The following ANO6 variants were observed in gnomAD, a reference collection of about 807,000 sequenced individuals.
The protein encoded by ANO6 is anoctamin-6.
ANO6 carries 106 observed loss-of-function variants against 117.5 expected under a neutral mutation model. The observed-to-expected ratio is 0.90, with a 90% CI of 0.77 to 1.06. ANO6 has a LOEUF of 1.06. ANO6 is among the 50% of genes least tolerant of loss of function. The pLI, the probability that ANO6 is intolerant of heterozygous loss-of-function variation, is 0.00. For missense variants in ANO6, 955 were observed against 1,121.1 expected, an observed-to-expected ratio of 0.85 and a Z score of 2.12; for synonymous variants, 367 against 385.1, an observed-to-expected ratio of 0.95 and a Z score of 0.55.
chr12:45,347,542 T>C lies in ANO6; in HGVS notation c.345+455T>C, dbSNP rs185631920. The C allele has an allele frequency of 5.5e-5, 10 of 181,072 alleles. No homozygotes were observed. In the East Asian group the frequency reaches 1.2e-3, roughly 22 times the overall value. 11.2% of individuals were successfully genotyped at this position (181,072 alleles called of 1,614,324 possible). On this transcript the variant is annotated intron_variant, in intron 4 of 19. Transcript: ENST00000320560. The stretch of plus-strand genomic sequence containing the variant: ...AAATTACCACTTCACAGTTTTATAA[T>C]TTGCTTTTTCCCTTTAATATATAGC...
rs777856080 is a variant in ANO6, at chr12:45,409,476, A to C, written c.2000A>C (p.Tyr667Ser). Residue 667 changes from tyrosine to serine, a missense_variant, in exon 16 of 20, where the codon TAT becomes TCT. Physicochemically the swap from Tyr to Ser is moderately radical, Grantham distance 144. Transcript: ENST00000320560. ...GGCAAACTGGGATTATTTTATGAAT[A>C]TCTTGAAATGAGTAAGTTGTTAGTG... ...PMGKLGLFYE[Y>S]LEMIIQFGFV... 2 of 1,613,774 alleles carry C rather than the reference A, an allele frequency of 1.2e-6. No individual in the cohort carries two copies. Among genetic ancestry groups the C allele is most frequent in the Non-Finnish European group, 1.7e-6 (2 of 1,179,840 alleles).
chr12:45,305,377 C>T (rs1254712051), intron 2 of ANO6, among the ~76,000 whole-genome samples: 1 of 152,176 alleles, frequency 6.6e-6, no homozygotes, highest in Non-Finnish European at 1.5e-5. Flanking sequence ...AACATTTTAT[C>T]TTGAACGTTT....
chr12:45,364,070 T>C (rs951120305), intron 8 of ANO6, among the ~76,000 whole-genome samples: 3 of 152,248 alleles, frequency 2.0e-5, no homozygotes, highest in Non-Finnish European at 4.4e-5. Context: ...TTGCTGGATA[T>C]AGAATACTTG....
chr12:45,219,666 T>G (rs892469663), intron 1 of ANO6, among the ~76,000 whole-genome samples: 7 of 152,156 alleles, frequency 4.6e-5, no homozygotes, highest in African/African-American at 9.7e-5. Flanking sequence ...ATGTCAGTGT[T>G]GCCTCCTAGT....
At chr12:45,422,576 CTTTT>C (rs35726842) in intron 18 of ANO6, among the ~76,000 whole-genome samples, 2 of 140,476 alleles carry the variant, frequency 1.4e-5, no homozygotes, top group Non-Finnish European at 1.6e-5. Context: ...TCAAATATGA[CTTTT>C]TTTTTTTTTT....
intron 1 of ANO6, among the ~76,000 whole-genome samples, chr12:45,272,388 T>C (rs1355683982): frequency 6.6e-6 from 1 of 152,204 alleles, no homozygotes; most frequent in African/African-American, 2.4e-5. Flanking sequence ...TGTCCTGTCA[T>C]CAAACTTTTA....
At chr12:45,351,076 A>T (rs1460047811) in intron 7 of ANO6, among the ~76,000 whole-genome samples, 1 of 152,196 alleles carries the variant, frequency 6.6e-6, no homozygotes, top group Non-Finnish European at 1.5e-5. Flanking sequence ...GAGTCATCTC[A>T]TTAGCACAAA....
chr12:45,414,077 A>G (rs1943154282), intron 16 of ANO6, among the ~76,000 whole-genome samples: 1 of 152,094 alleles, frequency 6.6e-6, no homozygotes, highest in African/African-American at 2.4e-5. Flanking sequence ...CAAAGTTAGC[A>G]AGAGTAGGTC....
rs190102653 is a variant in ANO6 at position 45,280,194 on chromosome 12, G to C, written c.71-21820G>C. Reference sequence around the variant, plus strand: ...TTCCCATCAAAGCCATGTTTGAAAAGATAATACGCCCATCTCTGTATATTT... The same window carrying C: ...TTCCCATCAAAGCCATGTTTGAAAACATAATACGCCCATCTCTGTATATTT... On this transcript the variant is annotated intron_variant, in intron 1 of 19. Coordinates refer to ENST00000320560, the MANE Select transcript of ANO6 (RefSeq NM_001025356.3). Among the ~76,000 whole-genome samples the C allele has an allele frequency of 3.3e-5, 5 of 152,350 alleles. No homozygotes were observed. In the East Asian group the frequency reaches 9.6e-4, roughly 29 times the overall value.
At chr12:45,318,363 C>A (rs1940126867) in intron 2 of ANO6, among the ~76,000 whole-genome samples, 2 of 152,156 alleles carry the variant, frequency 1.3e-5, no homozygotes, top group African/African-American at 4.8e-5. Context: ...TTTCCCAGCA[C>A]CATTTATTAA....
intron 1 of ANO6, among the ~76,000 whole-genome samples, chr12:45,282,963 A>G (rs57971344): frequency 1.3e-5 from 2 of 152,252 alleles, no homozygotes; most frequent in East Asian, 3.9e-4. Flanking sequence ...CTTTATTGCT[A>G]TGTCGTTGGC....
intron 1 of ANO6, among the ~76,000 whole-genome samples, chr12:45,287,619 G>A (rs1212049590): frequency 6.6e-6 from 1 of 152,180 alleles, no homozygotes; most frequent in Non-Finnish European, 1.5e-5. Context: ...GAAATTGGAT[G>A]TAGGAGAATA....
At chr12:45,385,179 G>A (rs1220274997) in intron 10 of ANO6, among the ~76,000 whole-genome samples, 1 of 152,204 alleles carries the variant, frequency 6.6e-6, no homozygotes, top group Non-Finnish European at 1.5e-5. Context: ...ACATTCCAGT[G>A]GGTATGATAG....
At chr12:45,289,381 C>T (rs963413432) in intron 1 of ANO6, among the ~76,000 whole-genome samples, 3 of 151,946 alleles carry the variant, frequency 2.0e-5, no homozygotes. Flanking sequence ...TTTGGTCAGG[C>T]TGATCTTGAC....
chr12:45,288,206 C>T (rs1047337760), intron 1 of ANO6, among the ~76,000 whole-genome samples: 2 of 152,154 alleles, frequency 1.3e-5, no homozygotes, highest in Non-Finnish European at 2.9e-5. Flanking sequence ...TTTTTTAAAG[C>T]TACACTTTTT....
chr12:45,431,976 AT>A lies in ANO6; in HGVS notation c.*2670del, dbSNP rs1464106715. On this transcript the variant is annotated 3_prime_UTR_variant, in exon 20 of 20. Transcript: ENST00000320560. ...ATATCATTAGAAAGGGAAAGCTATC[AT>A]TTTTATTTTAAAACTAAACAAGGCC... The A allele has an allele frequency of 4.1e-6, 4 of 985,238 alleles. No individual in the cohort carries two copies. The highest frequency in any genetic ancestry group is 4.8e-6 in the Non-Finnish European group (4 of 829,862). The allele number at this position is 985,238 out of a possible 1,614,324, so 61.0% of individuals were successfully genotyped here.
chr12:45,407,399 A>G (rs1023911630), intron 15 of ANO6, among the ~76,000 whole-genome samples: 3 of 151,332 alleles, frequency 2.0e-5, no homozygotes, highest in African/African-American at 7.3e-5. Context: ...AAGTATAAAC[A>G]AATAGAAACC....
At chr12:45,276,735 A>C (rs1444017408) in intron 1 of ANO6, among the ~76,000 whole-genome samples, 1 of 152,152 alleles carries the variant, frequency 6.6e-6, no homozygotes, top group African/African-American at 2.4e-5. Context: ...TTTCTGTTTT[A>C]TCTTCTGCAT....
At chr12:45,295,248 A>G (rs560287117) in intron 1 of ANO6, among the ~76,000 whole-genome samples, 20 of 152,366 alleles carry the variant, frequency 1.3e-4, no homozygotes, top group African/African-American at 4.8e-4. Flanking sequence ...TCTCGTTGTA[A>G]TATCACAAGG....
Sources: gnomAD v4.1 joint callset for allele counts (sites outside exome capture counted in the v4.1 genomes callset) on GRCh38, gnomAD v4.1.1 for gene constraint, MANE v1.5 for transcripts, NCBI Gene and HGNC (gene_info 2026-07-23, HGNC 2026-07-21) for gene names.